Variants in CROT observed in about 807,000 individuals in gnomAD.
The protein encoded by CROT is carnitine O-octanoyltransferase.
CROT carries 84 observed loss-of-function variants against 89.2 expected under a neutral mutation model. The observed-to-expected ratio is 0.94, with a 90% CI of 0.79 to 1.13. CROT has a LOEUF of 1.13. Among genes scored for constraint, CROT ranks in the 50% most tolerant of loss-of-function variants. The pLI, the probability that CROT is intolerant of heterozygous loss-of-function variation, is 0.00. For missense variants in CROT, 711 were observed against 727.8 expected (o/e 0.98, Z 0.27); for synonymous variants, 212 against 239.5 (o/e 0.89, Z 1.06).
Position 87,382,139 on chromosome 7 carries a change from T to G in CROT, c.1128T>G (p.Val376=), listed in dbSNP as rs182964776. The change falls in exon 12 of 18, where the codon GTT becomes GTG. Residue 376 remains valine, a synonymous_variant. Coordinates refer to ENST00000331536, the MANE Select transcript of CROT (RefSeq NM_021151.4). Reference sequence around the variant, plus strand: ...TCATTTTCATTGTGGATGAGAAAGTTTTAAATGACATCAACCAAGCTAAAG... The same window carrying G: ...TCATTTTCATTGTGGATGAGAAAGTGTTAAATGACATCAACCAAGCTAAAG... ...EELIFIVDEK[V]LNDINQAKAQ... 243 of 1,613,594 alleles carry G rather than the reference T, an allele frequency of 1.5e-4. No homozygotes were observed. The Admixed American group carries it at 1.9e-3, about 12-fold the overall frequency.
rs373955214 is a variant in CROT, at chr7:87,361,561, C to A, written c.412C>A (p.Leu138Ile). The A allele has an allele frequency of 1.3e-6, 2 of 1,591,324 alleles. No homozygotes were observed. Among genetic ancestry groups the A allele is most frequent in the African/African-American group, 2.7e-5 (2 of 73,610 alleles). ...TTGGCATAACTTGAACTACTGGCAG[C>A]TATTAAGAAAGTAAGGACACATGTG... ...TLWHNLNYWQ[L>I]LRKEKVPVHK... is the part of the protein sequence containing the mutation. The change falls in exon 5 of 18, where the codon CTA (leucine) becomes ATA (isoleucine). Residue 138 changes from leucine (L) to isoleucine (I), a missense_variant. Physicochemically the swap from Leu to Ile is conservative, Grantham distance 5 (BLOSUM62 2). Transcript: ENST00000331536.
At chr7:87,389,332 A>G (rs1177458124) in intron 13 of CROT, among the ~76,000 whole-genome samples, 2 of 152,220 alleles carry the variant, frequency 1.3e-5, no homozygotes, top group Admixed American at 1.3e-4. Flanking sequence ...ACATATGTAT[A>G]TTGCAGCCCT....
chr7:87,373,954 A>G (rs1004279599), intron 7 of CROT, among the ~76,000 whole-genome samples: 17 of 152,116 alleles, frequency 1.1e-4, no homozygotes, highest in African/African-American at 4.1e-4. Context: ...ATAATGAGGA[A>G]AATTAGACTT....
intron 13 of CROT, among the ~76,000 whole-genome samples, chr7:87,384,294 G>A (rs1034619159): frequency 6.6e-6 from 1 of 152,140 alleles, no homozygotes; most frequent in Non-Finnish European, 1.5e-5. Context: ...CAATTTGGGA[G>A]GCCGAGGTGG....
At chr7:87,359,505 G>T in intron 4 of CROT, 175 bp downstream of exon 4, 1 of 1,358,858 alleles carries the variant, frequency 7.4e-7, no homozygotes. Flanking sequence ...GGGTGGATTC[G>T]GGAACTTGTT....
At chr7:87,373,238 C>T (rs1161883121) in intron 7 of CROT, among the ~76,000 whole-genome samples, 1 of 151,992 alleles carries the variant, frequency 6.6e-6, no homozygotes, top group Non-Finnish European at 1.5e-5. Context: ...TATATATCTT[C>T]CTTGGAGAGA....
Position 87,391,639 on chromosome 7 carries a change from G to A in CROT, c.1352G>A (p.Arg451His), listed in dbSNP as rs146906054. 37 of 1,610,536 alleles carry A rather than the reference G, an allele frequency of 2.3e-5. No homozygotes were observed. The highest frequency in any genetic ancestry group is 1.7e-4 in the Admixed American group (10 of 59,242). ...ATGACAAGACATTTTTATCATGGCCGTACAGAGACTATGCGATCATGCACA... is the reference window on the plus strand; with the variant it reads ...ATGACAAGACATTTTTATCATGGCCATACAGAGACTATGCGATCATGCACA... ...TAMTRHFYHG[R>H]TETMRSCTVE... is the part of the protein sequence containing the mutation. Residue 451 changes from arginine (R) to histidine (H), a missense_variant, in exon 14 of 18, where the codon CGT becomes CAT. Physicochemically the swap from Arg to His is conservative, Grantham distance 29. Coordinates refer to ENST00000331536, the MANE Select transcript of CROT (RefSeq NM_021151.4).
Position 87,357,360 on chromosome 7 carries a change from A to T in CROT, c.116-1846A>T, listed in dbSNP as rs144241583. On this transcript the variant is annotated intron_variant, in intron 3 of 17. Coordinates refer to ENST00000331536, the MANE Select transcript of CROT (RefSeq NM_021151.4). Reference sequence around the variant, plus strand: ...GGGCTGGGACTCTAACCCAAATATTATACCCTAGAGACTCTAACCCCATTG... The same window carrying T: ...GGGCTGGGACTCTAACCCAAATATTTTACCCTAGAGACTCTAACCCCATTG... 56 of 1,012,794 alleles carry T rather than the reference A, an allele frequency of 5.5e-5. No individual in the cohort carries two copies. The East Asian group carries it at 7.1e-4, about 13-fold the overall frequency. The allele number at this position is 1,012,794 out of a possible 1,614,324, so 62.7% of individuals were successfully genotyped here. A position where few individuals can be genotyped will look rare whatever the true frequency, so the allele number is the denominator to read the frequency against.
chr7:87,361,269 C>T, intron 4 of CROT, 121 bp from the exon 5 acceptor site: 1 of 1,061,592 alleles, frequency 9.4e-7, no homozygotes, highest in Middle Eastern at 2.3e-4. Flanking sequence ...AGCCAAAAAA[C>T]ATGTTTTTAA....
intron 3 of CROT, among the ~76,000 whole-genome samples, chr7:87,352,814 A>C (rs773009743): frequency 6.6e-6 from 1 of 152,250 alleles, no homozygotes; most frequent in Non-Finnish European, 1.5e-5. Flanking sequence ...CCAAATACTT[A>C]AATTATTTAA....
intron 6 of CROT, among the ~76,000 whole-genome samples, chr7:87,362,477 G>T (rs979477769): frequency 6.6e-6 from 1 of 151,846 alleles, no homozygotes; most frequent in Non-Finnish European, 1.5e-5. Flanking sequence ...TGTATTTTTT[G>T]TAGAGATGGA....
In CROT at chr7:87,382,362, G is replaced by T. The variant is rs760837520; in HGVS notation, c.1171-51G>T. On this transcript the variant is annotated intron_variant, in intron 12 of 17. Coordinates refer to ENST00000331536, the MANE Select transcript of CROT (RefSeq NM_021151.4). Reference sequence around the variant, plus strand: ...AGGTGATAATTTGCTTCTCTTTGGTGTATTCTCCTTAGGTGATTTTTCACC... The same window carrying T: ...AGGTGATAATTTGCTTCTCTTTGGTTTATTCTCCTTAGGTGATTTTTCACC... 3 of 1,584,426 alleles carry T rather than the reference G, an allele frequency of 1.9e-6. No homozygotes were observed. In the Admixed American group the frequency reaches 5.3e-5, roughly 28 times the overall value.
intron 17 of CROT, chr7:87,398,316 G>A: frequency 1.5e-6 from 1 of 685,676 alleles, no homozygotes; most frequent in Admixed American, 2.0e-5. Flanking sequence ...TTTGTCCCTA[G>A]GTGCTAGTCA....
At chr7:87,377,598 A>T (rs1806851916) in intron 10 of CROT, 148 bp downstream of exon 10, 3 of 572,200 alleles carry the variant, frequency 5.2e-6, no homozygotes, top group Non-Finnish European at 9.2e-6. Flanking sequence ...ATGAATTCTC[A>T]TTGAAAGTAT....
chr7:87,354,954 A>G (rs867811960), intron 3 of CROT, among the ~76,000 whole-genome samples: 3 of 152,300 alleles, frequency 2.0e-5, no homozygotes, highest in South Asian at 4.1e-4. Context: ...CAAACCGTCT[A>G]TGACATGCTT....
intron 17 of CROT, among the ~76,000 whole-genome samples, chr7:87,394,756 G>A (rs776861114): frequency 2.6e-5 from 4 of 152,028 alleles, no homozygotes; most frequent in African/African-American, 7.2e-5. Context: ...TAGAAAAAGC[G>A]AAGTTATTAT....
rs1807622541 is a variant in CROT at position 87,398,442 on chromosome 7, G to A, written c.1719-82G>A. 1.4e-5 allele frequency: 21 copies of A among 1,501,110 alleles called. No homozygotes were observed. In the East Asian group the frequency reaches 4.7e-4, roughly 34 times the overall value. The allele number at this position is 1,501,110 out of a possible 1,614,324, so 93.0% of individuals were successfully genotyped here. ...TTCACATTTCATGTATGAATATCCAGATGAAATAAAGTCCTGGTTGTATTC... is the reference window on the plus strand; with the variant it reads ...TTCACATTTCATGTATGAATATCCAAATGAAATAAAGTCCTGGTTGTATTC... On this transcript the variant is annotated intron_variant, in intron 17 of 17. Transcript: ENST00000331536.
At chr7:87,398,489 T>C in intron 17 of CROT, 35 bp from the exon 18 acceptor site, 1 of 1,611,264 alleles carries the variant, frequency 6.2e-7, no homozygotes, top group Non-Finnish European at 8.5e-7. Flanking sequence ...TTGGAGCCTT[T>C]TGTGTAATCA....
At chr7:87,362,499 AT>A (rs1279991949) in intron 6 of CROT, among the ~76,000 whole-genome samples, 1 of 151,816 alleles carries the variant, frequency 6.6e-6, no homozygotes, top group African/African-American at 2.4e-5. Flanking sequence ...TTTCACCATG[AT>A]GCCCAGGCTA....
Sources: gnomAD v4.1 joint callset for allele counts (sites outside exome capture counted in the v4.1 genomes callset) on GRCh38, gnomAD v4.1.1 for gene constraint, MANE v1.5 for transcripts, NCBI Gene and HGNC (gene_info 2026-07-23, HGNC 2026-07-21) for gene names.